NPFFR2: variants seen among roughly 807,000 people sequenced by gnomAD.
NPFFR2 encodes the protein G-protein coupled receptor 74.
NPFFR2 carries 15 observed loss-of-function variants against 13.1 expected under a neutral mutation model. The observed-to-expected ratio is 1.15, with a 90% CI of 0.77 to 1.76. The LOEUF is 1.76. NPFFR2 is among the 40% of genes most tolerant of loss of function. NPFFR2 has a pLI of 0.00. For missense variants in NPFFR2, 572 were observed against 503.5 expected (o/e 1.14, Z -1.30); for synonymous variants, 190 against 175.7 (o/e 1.08, Z -0.65).
chr4:72,132,689 C>T (rs1286553547), intron 2 of NPFFR2, among the ~76,000 whole-genome samples: 2 of 152,108 alleles, frequency 1.3e-5, no homozygotes, highest in African/African-American at 2.4e-5. Flanking sequence ...ATAGTAGCCA[C>T]TCTGACTGGT....
At chr4:72,095,518 CA>C (rs775945635) in intron 1 of NPFFR2, among the ~76,000 whole-genome samples, 5 of 152,060 alleles carry the variant, frequency 3.3e-5, no homozygotes, top group Non-Finnish European at 4.4e-5. Flanking sequence ...TATAAGGAGA[CA>C]GACAAAAATT....
intron 3 of NPFFR2, among the ~76,000 whole-genome samples, chr4:72,138,838 C>G (rs1578481611): frequency 6.6e-6 from 1 of 152,090 alleles, no homozygotes; most frequent in East Asian, 1.9e-4. Flanking sequence ...AATCGTCACA[C>G]TGTCTTCCCC....
rs750209574 is a variant in NPFFR2 at position 72,032,159 on chromosome 4, G to A, written c.-49G>A. The A allele has an allele frequency of 1.9e-6, 3 of 1,613,426 alleles. No homozygotes were observed. The highest frequency in any genetic ancestry group is 3.3e-5 in the Admixed American group (2 of 59,980). On this transcript the variant is annotated 5_prime_UTR_variant, in exon 1 of 4. It adds an upstream start codon to the 5' untranslated region. Coordinates refer to ENST00000308744, the MANE Select transcript of NPFFR2 (RefSeq NM_004885.3). ...GAACCTGTTGCTGCAGACGGGCTTG[G>A]TGGATTCTGGTTCCTGCCGCCGACA...
At chr4:72,141,130 C>G (rs1048131515) in intron 3 of NPFFR2, among the ~76,000 whole-genome samples, 1 of 151,600 alleles carries the variant, frequency 6.6e-6, no homozygotes, top group African/African-American at 2.4e-5. Flanking sequence ...TTTATTGCGT[C>G]TATTTGATTC....
chr4:72,053,163 T>G (rs930597046), intron 1 of NPFFR2, among the ~76,000 whole-genome samples: 2 of 151,884 alleles, frequency 1.3e-5, no homozygotes, highest in Non-Finnish European at 2.9e-5. Flanking sequence ...TCTTCATATA[T>G]TTTACAGAAT....
intron 2 of NPFFR2, among the ~76,000 whole-genome samples, chr4:72,130,893 G>C (rs543668101): frequency 6.6e-6 from 1 of 152,154 alleles, no homozygotes; most frequent in Non-Finnish European, 1.5e-5. Context: ...GAATCAGGTC[G>C]CATGAACGAA....
chr4:72,056,077 C>T (rs564925522), intron 1 of NPFFR2, among the ~76,000 whole-genome samples: 21 of 152,070 alleles, frequency 1.4e-4, no homozygotes, highest in African/African-American at 4.6e-4. Context: ...ATGAAAGTGG[C>T]TACACTAAGT....
chr4:72,114,796 G>A lies in NPFFR2; in HGVS notation c.-7-13789G>A, dbSNP rs115669059. 3.1e-3 allele frequency among the ~76,000 whole-genome samples: 471 copies of A among 152,178 alleles called. 2 individuals carry two copies. Among genetic ancestry groups the A allele is most frequent in the African/African-American group, 0.011 (460 of 41,542 alleles). On this transcript the variant is annotated intron_variant, in intron 1 of 3. Coordinates refer to ENST00000308744, the MANE Select transcript of NPFFR2 (RefSeq NM_004885.3). ...AATAATTAGACTCTTCCTATTGATT[G>A]TAATGGCTTTATTTTATTATAGCAC...
At chr4:72,040,817 A>G (rs980074411) in intron 1 of NPFFR2, among the ~76,000 whole-genome samples, 2 of 151,722 alleles carry the variant, frequency 1.3e-5, no homozygotes, top group Non-Finnish European at 2.9e-5. Flanking sequence ...ATTTTAAAGA[A>G]ATTTTAAAAT....
chr4:72,041,566 A>G (rs1208399794), intron 1 of NPFFR2, among the ~76,000 whole-genome samples: 2 of 152,184 alleles, frequency 1.3e-5, no homozygotes, highest in Non-Finnish European at 2.9e-5. Flanking sequence ...TCTTTAAGAG[A>G]TCTGCAAACT....
chr4:72,066,428 A>AT, intron 1 of NPFFR2, among the ~76,000 whole-genome samples: 1 of 152,266 alleles, frequency 6.6e-6, no homozygotes, highest in East Asian at 1.9e-4. Context: ...GTCCATTCCC[A>AT]TAGCCCCTAA....
At chr4:72,079,621 T>G (rs28699124) in intron 1 of NPFFR2, among the ~76,000 whole-genome samples, 2 of 152,068 alleles carry the variant, frequency 1.3e-5, no homozygotes, top group African/African-American at 4.8e-5. Context: ...AGATCAGACC[T>G]CATAAAAATT....
intron 1 of NPFFR2, among the ~76,000 whole-genome samples, chr4:72,075,786 A>G (rs754023301): frequency 1.3e-5 from 2 of 152,230 alleles, no homozygotes; most frequent in East Asian, 1.9e-4. Context: ...AATGGGGAGT[A>G]ATTGTTTAAT....
At chr4:72,038,111 T>C (rs560381678) in intron 1 of NPFFR2, among the ~76,000 whole-genome samples, 9 of 152,264 alleles carry the variant, frequency 5.9e-5, no homozygotes, top group Non-Finnish European at 7.4e-5. Context: ...CATTCTCAAT[T>C]ACAACTTTTG....
chr4:72,131,454 G>C (rs1300742221), intron 2 of NPFFR2, among the ~76,000 whole-genome samples: 1 of 115,290 alleles, frequency 8.7e-6, no homozygotes, highest in Non-Finnish European at 1.7e-5. Context: ...TGTGGGGTGG[G>C]GGGAGGGGGG....
chr4:72,140,941 C>G (rs1351315392), intron 3 of NPFFR2, among the ~76,000 whole-genome samples: 1 of 152,066 alleles, frequency 6.6e-6, no homozygotes, highest in Non-Finnish European at 1.5e-5. Context: ...AATTTCAGAG[C>G]CTGTTATTGG....
intron 3 of NPFFR2, among the ~76,000 whole-genome samples, chr4:72,144,904 GT>G (rs1262373804): frequency 3.9e-5 from 6 of 152,084 alleles, no homozygotes; most frequent in African/African-American, 1.4e-4. Context: ...TACTGAGATT[GT>G]TTTCTAACTG....
At chr4:72,109,799 C>A (rs563233758) in intron 1 of NPFFR2, among the ~76,000 whole-genome samples, 25 of 152,074 alleles carry the variant, frequency 1.6e-4, no homozygotes, top group African/African-American at 6.0e-4. Context: ...GAACTGCTTT[C>A]ATCTCTGTCC....
At chr4:72,124,616 G>T (rs1236406504) in intron 1 of NPFFR2, among the ~76,000 whole-genome samples, 1 of 151,980 alleles carries the variant, frequency 6.6e-6, no homozygotes, top group African/African-American at 2.4e-5. Context: ...CAGAAATAAT[G>T]CCACATATCT....
Sources: gnomAD v4.1 joint callset for allele counts (sites outside exome capture counted in the v4.1 genomes callset) on GRCh38, gnomAD v4.1.1 for gene constraint, MANE v1.5 for transcripts, NCBI Gene and HGNC (gene_info 2026-07-23, HGNC 2026-07-21) for gene names.